Variants in ANO10 observed in about 807,000 individuals in gnomAD.
ANO10 encodes the protein anoctamin 10.
ANO10 carries 77 observed loss-of-function variants against 74.7 expected under a neutral mutation model. The observed-to-expected ratio is 1.03, with a 90% CI of 0.86 to 1.25. ANO10 has a LOEUF of 1.25. Ranked by LOEUF, ANO10 falls within the 50% of genes most tolerant of loss-of-function variation. The pLI is 0.00. For synonymous variants in ANO10, 279 were observed against 284.9 expected, an observed-to-expected ratio of 0.98 and a Z score of 0.21; for missense variants, 721 against 778.1, an observed-to-expected ratio of 0.93 and a Z score of 0.87.
Position 43,561,228 on chromosome 3 carries a change from T to C in ANO10, c.1468A>G (p.Thr490Ala), listed in dbSNP as rs1280503492. ...EQVILEKEMG[T>A]YLGTFDDYLE... Reference sequence around the variant, plus strand: ...GCAATATTCCAACTTACCAAATAAGTTCCCATTTCTTTTTCCAGGATGACT... The same window carrying C: ...GCAATATTCCAACTTACCAAATAAGCTCCCATTTCTTTTTCCAGGATGACT... The change falls in exon 9 of 13, where the codon ACT becomes GCT. Residue 490 changes from threonine (T) to alanine (A), a missense_variant. Transcript: ENST00000292246. The C allele has an allele frequency of 6.2e-7, 1 of 1,614,136 alleles. No individual in the cohort carries two copies. Among genetic ancestry groups the C allele is most frequent in the East Asian group, 2.2e-5 (1 of 44,862 alleles).
intron 4 of ANO10, among the ~76,000 whole-genome samples, chr3:43,588,564 TA>T (rs34688033): frequency 1.1e-3 from 161 of 144,872 alleles, no homozygotes; most frequent in Middle Eastern, 7.2e-3. Context: ...ATTTACTTAG[TA>T]AAAAAAAAAA....
intron 9 of ANO10, among the ~76,000 whole-genome samples, chr3:43,560,511 C>A (rs73832620): frequency 0.025 from 3,760 of 152,200 alleles, 154 homozygotes; most frequent in African/African-American, 0.085. Flanking sequence ...AAATGACCCA[C>A]TGAAGGATCT....
At chr3:43,679,519 G>A (rs2084166733) in intron 1 of ANO10, among the ~76,000 whole-genome samples, 2 of 152,186 alleles carry the variant, frequency 1.3e-5, no homozygotes, top group South Asian at 2.1e-4. Flanking sequence ...TGGGGGCAGG[G>A]CATAGCCAAA....
At chr3:43,485,858 C>G (rs1343658031) in intron 11 of ANO10, 1 of 283,088 alleles carries the variant, frequency 3.5e-6, no homozygotes, top group Non-Finnish European at 7.0e-6. Context: ...CTTGTACTCT[C>G]GTAGTGTGCC....
chr3:43,650,571 A>G (rs953428263), intron 1 of ANO10, among the ~76,000 whole-genome samples: 25 of 152,348 alleles, frequency 1.6e-4, no homozygotes, highest in African/African-American at 6.0e-4. Context: ...CATAAGTTAG[A>G]AAAAACAACT....
At chr3:43,400,371 T>C (rs2092458756) in intron 12 of ANO10, among the ~76,000 whole-genome samples, 2 of 151,830 alleles carry the variant, frequency 1.3e-5, no homozygotes, top group South Asian at 4.2e-4. Context: ...CCAGCAATAC[T>C]GGATGAAAGC....
rs539473325 is a variant in ANO10, at chr3:43,681,519, C to T, written c.-12+9998G>A. On this transcript the variant is annotated intron_variant, in intron 1 of 3. Transcript: ENST00000413397. ...CCACCGTCAACATTAGACAGATCAACGAGACAGAAAGTAAACAAGGATATC... is the reference window on the plus strand; with the variant it reads ...CCACCGTCAACATTAGACAGATCAATGAGACAGAAAGTAAACAAGGATATC... 8.2e-4 allele frequency among the ~76,000 whole-genome samples: 124 copies of T among 152,078 alleles called. No homozygotes were observed. In the Middle Eastern group the frequency reaches 0.014, roughly 17 times the overall value.
intron 12 of ANO10, among the ~76,000 whole-genome samples, chr3:43,426,494 T>C (rs1445553106): frequency 6.6e-6 from 1 of 152,210 alleles, no homozygotes; most frequent in Non-Finnish European, 1.5e-5. Context: ...TCTTGTTCAT[T>C]TAACTGATTC....
intron 12 of ANO10, among the ~76,000 whole-genome samples, chr3:43,379,670 G>C (rs1283319052): frequency 1.3e-5 from 2 of 152,172 alleles, no homozygotes; most frequent in African/African-American, 4.8e-5. Flanking sequence ...CGGTGGGAGG[G>C]AGACTGGCCT....
At chr3:43,517,066 A>C (rs1400778776) in intron 11 of ANO10, among the ~76,000 whole-genome samples, 1 of 152,184 alleles carries the variant, frequency 6.6e-6, no homozygotes, top group Non-Finnish European at 1.5e-5. Context: ...CCATGCTGTA[A>C]TTACATCAAG....
chr3:43,637,100 G>T (rs902068411), intron 1 of ANO10, among the ~76,000 whole-genome samples: 6 of 152,254 alleles, frequency 3.9e-5, no homozygotes, highest in Non-Finnish European at 7.3e-5. Flanking sequence ...AGCCTGGGAG[G>T]TGGAAGCTGA....
intron 12 of ANO10, among the ~76,000 whole-genome samples, chr3:43,375,769 T>A (rs2091780522): frequency 2.0e-5 from 3 of 150,768 alleles, no homozygotes. Context: ...ATTCCCCCCT[T>A]GTCCATGGCA....
At chr3:43,446,810 A>C (rs972786783) in intron 11 of ANO10, among the ~76,000 whole-genome samples, 6 of 152,172 alleles carry the variant, frequency 3.9e-5, no homozygotes, top group Admixed American at 3.9e-4. Context: ...AGCTATTCTG[A>C]ATTTATTATT....
chr3:43,533,297 C>T (rs746124438), intron 11 of ANO10, among the ~76,000 whole-genome samples: 4 of 152,158 alleles, frequency 2.6e-5, no homozygotes, highest in African/African-American at 9.6e-5. Context: ...TGAGGCTAAG[C>T]CATGCCCCTG....
intron 9 of ANO10, among the ~76,000 whole-genome samples, chr3:43,559,181 T>A (rs1283646052): frequency 6.6e-6 from 1 of 152,154 alleles, no homozygotes; most frequent in South Asian, 2.1e-4. Flanking sequence ...TACCCTGAAA[T>A]GTCAAAAGAG....
intron 11 of ANO10, among the ~76,000 whole-genome samples, chr3:43,507,403 C>G (rs2077335568): frequency 6.6e-6 from 1 of 152,112 alleles, no homozygotes; most frequent in Non-Finnish European, 1.5e-5. Context: ...GGGGCACAAT[C>G]CTCACCCAGG....
At chr3:43,380,241 A>T (rs1286841690) in intron 12 of ANO10, among the ~76,000 whole-genome samples, 2 of 152,232 alleles carry the variant, frequency 1.3e-5, no homozygotes, top group African/African-American at 4.8e-5. Flanking sequence ...GAGAAATCTA[A>T]AAGTTTGGAA....
chr3:43,549,056 T>A (rs1001158322), intron 11 of ANO10, among the ~76,000 whole-genome samples: 1 of 152,124 alleles, frequency 6.6e-6, no homozygotes, highest in African/African-American at 2.4e-5. Flanking sequence ...GTCTTTTCTC[T>A]AAAATAGACT....
intron 11 of ANO10, 65 bp downstream of exon 11, chr3:43,549,655 C>T: frequency 1.3e-6 from 2 of 1,579,894 alleles, no homozygotes; most frequent in Admixed American, 1.7e-5. Context: ...CCCGAGACAG[C>T]ACTGCTTTGG....
Sources: allele counts gnomAD v4.1 joint callset (sites outside exome capture counted in the v4.1 genomes callset), GRCh38; gene constraint gnomAD v4.1.1; transcripts MANE v1.5; gene names NCBI Gene and HGNC (gene_info 2026-07-23, HGNC 2026-07-21).